Variants in ZAP70 observed in about 807,000 individuals in gnomAD.
The protein encoded by ZAP70 is tyrosine-protein kinase ZAP-70.
Under a neutral mutation model 65.8 loss-of-function variants are expected in ZAP70, and 27 were observed. That is an observed-to-expected ratio of 0.41 (90% confidence interval 0.30 to 0.57). ZAP70 has a LOEUF of 0.57. Among genes scored for constraint, ZAP70 ranks in the 20% least tolerant of loss-of-function variants. The pLI, the probability that ZAP70 is intolerant of heterozygous loss-of-function variation, is 0.28. For missense variants in ZAP70, 696 were observed against 870.5 expected (o/e 0.80, Z 2.52); for synonymous variants, 363 against 360.8 (o/e 1.01, Z -0.07).
At chr2:97,738,235 T>A in intron 13 of ZAP70, 128 bp downstream of exon 13, 1 of 950,586 alleles carries the variant, frequency 1.1e-6, no homozygotes. Context: ...GTTCATAGCC[T>A]TTGCAGCTGC....
the ZAP70 span, among the ~76,000 whole-genome samples, chr2:97,748,962 G>A: frequency 3.3e-5 from 5 of 150,020 alleles, no homozygotes; most frequent in Non-Finnish European, 4.4e-5. Context: ...CTGGGAGTGC[G>A]TTTGTAGAGG....
chr2:97,748,811 C>A, the ZAP70 span, among the ~76,000 whole-genome samples: 1 of 152,098 alleles, frequency 6.6e-6, no homozygotes, highest in Non-Finnish European at 1.5e-5. Context: ...CACTGTAAGG[C>A]CAAATTCTAG....
Position 97,736,731 on chromosome 2 carries a change from G to A in ZAP70, c.1290-742G>A, listed in dbSNP as rs187236980. Among the ~76,000 whole-genome samples the A allele has an allele frequency of 6.9e-4, 105 of 152,306 alleles. No homozygotes were observed. Among genetic ancestry groups the A allele is most frequent in the Middle Eastern group, 6.8e-3 (2 of 294 alleles). On this transcript the variant is annotated intron_variant, in intron 10 of 13. Transcript: ENST00000264972. The surrounding 1 kb of genome is among the most constrained non-coding windows in gnomAD (Gnocchi z 4.0). ...AAGGGCATTCCAGGCAAAGGGCACC[G>A]CCTGTGCAGAGGCCCTGAGGTGGTC...
intron 8 of ZAP70, 156 bp from the exon 9 acceptor site, chr2:97,734,364 C>T (rs1289696576): frequency 2.5e-5 from 36 of 1,438,390 alleles, no homozygotes; most frequent in East Asian, 1.5e-4. Context: ...CCAGTGTGTG[C>T]GTGTGGATGT....
In ZAP70 at chr2:97,739,815, A is replaced by G; in HGVS notation, c.*317A>G. ...CTGACATTGGAGCCTGGGCATCCTC[A>G]GGTGGTCAGGCGTAGATCACCAGAA... On this transcript the variant is annotated 3_prime_UTR_variant, in exon 14 of 14. Transcript: ENST00000264972. The G allele has an allele frequency of 2.3e-6, 1 of 432,712 alleles. No individual in the cohort carries two copies. The highest frequency in any genetic ancestry group is 4.2e-6 in the Non-Finnish European group (1 of 235,456). The allele number at this position is 432,712 out of a possible 1,614,324, so 26.8% of individuals were successfully genotyped here.
At chr2:97,748,034 C>T in the ZAP70 span, among the ~76,000 whole-genome samples, 1 of 151,936 alleles carries the variant, frequency 6.6e-6, no homozygotes, top group South Asian at 2.1e-4. Context: ...GAAACACTGA[C>T]GGTGAAATTT....
Position 97,725,226 on chromosome 2 carries a change from T to C in ZAP70, c.537T>C (p.Ser179=), listed in dbSNP as rs780338175. The C allele has an allele frequency of 1.1e-5, 17 of 1,613,776 alleles. No individual in the cohort carries two copies. The Admixed American group carries it at 1.8e-4, about 17-fold the overall frequency. ...AGGAGGCCGAGCGCAAACTTTACTC[T>C]GGGGCGCAGACCGACGGCAAGTTCC... The part of the protein sequence containing the change: ...TREEAERKLY[S]GAQTDGKFLL... Residue 179 remains serine, a synonymous_variant, in exon 4 of 14, where the codon TCT becomes TCC. Transcript: ENST00000264972.
In ZAP70 at chr2:97,724,140, T is replaced by G. The variant is rs1372126744; in HGVS notation, c.104T>G (p.Leu35Arg). The change falls in exon 3 of 14, where the codon CTG becomes CGG. Residue 35 changes from leucine to arginine, a missense_variant. Transcript: ENST00000264972. ...KLAGMADGLF[L>R]LRQCLRSLGG... ...GCGGGCATGGCGGACGGGCTCTTCC[T>G]GCTGCGCCAGTGCCTGCGCTCGCTG... is the stretch of plus-strand genomic sequence containing the variant. The G allele has an allele frequency of 6.4e-7, 1 of 1,569,168 alleles. No homozygotes were observed. The highest frequency in any genetic ancestry group is 8.6e-7 in the Non-Finnish European group (1 of 1,159,498).
At chr2:97,738,230 T>C in intron 13 of ZAP70, 123 bp downstream of exon 13, 2 of 1,021,080 alleles carry the variant, frequency 2.0e-6, no homozygotes, top group Admixed American at 4.0e-5. Flanking sequence ...ACCCAGTTCA[T>C]AGCCTTTGCA....
chr2:97,749,993 C>T, the ZAP70 span, among the ~76,000 whole-genome samples: 15 of 152,240 alleles, frequency 9.9e-5, no homozygotes, highest in Non-Finnish European at 1.9e-4. Flanking sequence ...TGGAATACCA[C>T]AGTAACAGAC....
chr2:97,735,606 A>G, intron 10 of ZAP70, 150 bp downstream of exon 10: 1 of 902,336 alleles, frequency 1.1e-6, no homozygotes, highest in Admixed American at 2.7e-5. Context: ...ACCCACACCC[A>G]TACCCATGCC....
intron 4 of ZAP70, among the ~76,000 whole-genome samples, chr2:97,732,164 GGAA>G (rs1429795993): frequency 6.6e-6 from 1 of 152,170 alleles, no homozygotes; most frequent in African/African-American, 2.4e-5. Flanking sequence ...TCATAGACAT[GGAA>G]GATTTATATA....
At chr2:97,738,594 T>C in intron 13 of ZAP70, 2 of 225,150 alleles carry the variant, frequency 8.9e-6, no homozygotes, top group East Asian at 1.1e-4. Context: ...TCTCAACTCC[T>C]AACACCATCA....
Position 97,738,242 on chromosome 2 carries a change from C to G in ZAP70, c.1736+135C>G. ...TTCACCCAGTTCATAGCCTTTGCAGCTGCCCCCTACCCCCACACCCAGCTC... is the reference window on the plus strand; with the variant it reads ...TTCACCCAGTTCATAGCCTTTGCAGGTGCCCCCTACCCCCACACCCAGCTC... On this transcript the variant is annotated intron_variant, in intron 13 of 13. Transcript: ENST00000264972. 3 of 883,750 alleles carry G rather than the reference C, an allele frequency of 3.4e-6. No individual in the cohort carries two copies. In the South Asian group the frequency reaches 4.7e-5, roughly 14 times the overall value. 54.7% of individuals were successfully genotyped at this position (883,750 alleles called of 1,614,324 possible).
intron 9 of ZAP70, chr2:97,735,036 G>C (rs891047813): frequency 4.5e-6 from 3 of 668,870 alleles, no homozygotes; most frequent in Non-Finnish European, 7.6e-6. Context: ...TCTTTTTGGC[G>C]ATGGGCTGTT....
At chr2:97,720,121 G>A (rs1677102769) in intron 2 of ZAP70, among the ~76,000 whole-genome samples, 1 of 152,208 alleles carries the variant, frequency 6.6e-6, no homozygotes. Context: ...TTTGGCAACT[G>A]TGGCTAGTAC....
At chr2:97,719,558 G>C (rs528405495) in intron 2 of ZAP70, among the ~76,000 whole-genome samples, 22 of 151,170 alleles carry the variant, frequency 1.5e-4, no homozygotes, top group Admixed American at 4.6e-4. Flanking sequence ...CAGCCTGGGG[G>C]GGGGGCGCAG....
chr2:97,725,338 G>T (rs952239186), intron 4 of ZAP70, 86 bp downstream of exon 4: 2 of 1,543,682 alleles, frequency 1.3e-6, no homozygotes, highest in East Asian at 2.3e-5. Context: ...TGAGTGTGCA[G>T]TTGGGCCGTA....
At chr2:97,716,251 C>T (rs1676909427) in intron 2 of ZAP70, among the ~76,000 whole-genome samples, 1 of 152,210 alleles carries the variant, frequency 6.6e-6, no homozygotes, top group South Asian at 2.1e-4. Context: ...CTCACCCCTT[C>T]CCAGGTGTCA....
Sources: allele counts gnomAD v4.1 joint callset (sites outside exome capture counted in the v4.1 genomes callset), GRCh38; gene constraint gnomAD v4.1.1; non-coding constraint Gnocchi (gnomAD v3.1); transcripts MANE v1.5; gene names NCBI Gene and HGNC (gene_info 2026-07-23, HGNC 2026-07-21).